POLR3H: variants seen among roughly 807,000 people sequenced by gnomAD.
The protein encoded by POLR3H is RNA polymerase III subunit H, also known as DNA-directed RNA polymerase III subunit RPC8.
Under a neutral mutation model 25.5 loss-of-function variants are expected in POLR3H, and 17 were observed. The ratio of observed to expected loss-of-function variants is 0.67; its 90% CI spans 0.46 to 1.00. The LOEUF (loss-of-function observed/expected upper bound fraction) is 1.00, where lower values mean the gene tolerates loss of function less well. POLR3H is among the 50% of genes least tolerant of loss of function. The pLI is 0.00. For missense variants in POLR3H, 274 were observed against 265.0 expected (o/e 1.03, Z -0.24); for synonymous variants, 129 against 103.0 (o/e 1.25, Z -1.53).
In POLR3H at chr22:41,528,252, G is replaced by A. The variant is rs2066645437; in HGVS notation, c.*1031C>T. On this transcript the variant is annotated 3_prime_UTR_variant, in exon 6 of 6. Coordinates refer to ENST00000355209, the MANE Select transcript of POLR3H (RefSeq NM_001018050.4). The stretch of plus-strand genomic sequence containing the variant: ...AACCTCCCTTTACTCACCAGGACCT[G>A]GCACTCAGGGGACAGCCCACCCACT... The A allele has an allele frequency of 6.0e-6, 5 of 828,492 alleles. No homozygotes were observed. The highest frequency in any genetic ancestry group is 3.6e-4 in the Middle Eastern group (1 of 2,762). 51.3% of individuals were successfully genotyped at this position (828,492 alleles called of 1,614,324 possible).
intron 2 of POLR3H, chr22:41,540,313 A>G: frequency 2.8e-6 from 1 of 354,822 alleles, no homozygotes; most frequent in Non-Finnish European, 5.5e-6. Context: ...TCAGAGCTGA[A>G]GAGGCCTTGA....
intron 2 of POLR3H, chr22:41,540,459 C>A: frequency 1.9e-6 from 1 of 526,020 alleles, no homozygotes; most frequent in Non-Finnish European, 3.5e-6. Context: ...CCAGGACTCC[C>A]ACCACCCTCT....
Position 41,530,893 on chromosome 22 carries a change from G to A in POLR3H, c.360-5C>T, listed in dbSNP as rs776364143. On this transcript the variant is annotated splice_region_variant and splice_polypyrimidine_tract_variant and intron_variant, in intron 4 of 5. Transcript: ENST00000355209. ...CACACCTGCTCCGCTTCGTCGCTGAGGGGGTCCAGGGTCAAGGCAGCAACC... is the reference window on the plus strand; with the variant it reads ...CACACCTGCTCCGCTTCGTCGCTGAAGGGGTCCAGGGTCAAGGCAGCAACC... 1.9e-6 allele frequency: 3 copies of A among 1,613,402 alleles called. No homozygotes were observed. Among genetic ancestry groups the A allele is most frequent in the African/African-American group, 2.7e-5 (2 of 74,928 alleles).
rs750246651 is a variant in POLR3H, at chr22:41,528,453, C to G, written c.*830G>C. 9.9e-6 allele frequency: 16 copies of G among 1,609,922 alleles called. No homozygotes were observed. The highest frequency in any genetic ancestry group is 1.2e-5 in the Non-Finnish European group (14 of 1,179,074). On this transcript the variant is annotated 3_prime_UTR_variant, in exon 6 of 6. Coordinates refer to ENST00000355209, the MANE Select transcript of POLR3H (RefSeq NM_001018050.4). ...AAGGGCACACAGTACCCACCACTTCCACCCACACCCACCTTCTCCTTGCAG... is the reference window on the plus strand; with the variant it reads ...AAGGGCACACAGTACCCACCACTTCGACCCACACCCACCTTCTCCTTGCAG...
In POLR3H at chr22:41,526,713, A is replaced by C; in HGVS notation, c.*2570T>G. The C allele has an allele frequency of 2.3e-6, 1 of 434,784 alleles. No individual in the cohort carries two copies. The highest frequency in any genetic ancestry group is 3.8e-5 in the Admixed American group (1 of 26,164). 26.9% of individuals were successfully genotyped at this position (434,784 alleles called of 1,614,324 possible). On this transcript the variant is annotated 3_prime_UTR_variant, in exon 6 of 6. Coordinates refer to ENST00000355209, the MANE Select transcript of POLR3H (RefSeq NM_001018050.4). ...TCTTAGGATATCTGGCCCTAGACAAAGACAAGGAAGGGGGCCGACTCAGGA... is the reference window on the plus strand; with the variant it reads ...TCTTAGGATATCTGGCCCTAGACAACGACAAGGAAGGGGGCCGACTCAGGA...
intron 3 of POLR3H, 47 bp from the exon 4 acceptor site, chr22:41,532,204 G>A (rs1400814231): frequency 4.5e-6 from 7 of 1,570,108 alleles, no homozygotes; most frequent in African/African-American, 2.7e-5. Flanking sequence ...GGTCCCAGTG[G>A]ACGCCAAACA....
intron 2 of POLR3H, among the ~76,000 whole-genome samples, chr22:41,537,034 A>G (rs1193709258): frequency 6.6e-6 from 1 of 152,150 alleles, no homozygotes; most frequent in Non-Finnish European, 1.5e-5. Flanking sequence ...GACTGAGAGC[A>G]GGGCCCCCGA....
rs138837278 is a variant in POLR3H, at chr22:41,526,393, C to G, written c.*2890G>C. ...ACATTGAAAACGGCAAGGCCAACTCCGTGCGCAATGCCGTCACTCAGGAGT... is the reference window on the plus strand; with the variant it reads ...ACATTGAAAACGGCAAGGCCAACTCGGTGCGCAATGCCGTCACTCAGGAGT... On this transcript the variant is annotated 3_prime_UTR_variant, in exon 6 of 6. Transcript: ENST00000355209. The G allele has an allele frequency of 1.9e-6, 3 of 1,613,868 alleles. No individual in the cohort carries two copies. The highest frequency in any genetic ancestry group is 2.5e-6 in the Non-Finnish European group (3 of 1,180,014).
At chr22:41,531,973 G>T in intron 4 of POLR3H, 121 bp downstream of exon 4, 1 of 821,746 alleles carries the variant, frequency 1.2e-6, no homozygotes, top group Non-Finnish European at 2.0e-6. Context: ...CAGGCGAGGG[G>T]CAGGCACAGA....
At chr22:41,541,640 A>G (rs1049548205) in intron 1 of POLR3H, among the ~76,000 whole-genome samples, 2 of 152,180 alleles carry the variant, frequency 1.3e-5, no homozygotes, top group African/African-American at 4.8e-5. Context: ...CCCCCTCTCA[A>G]ACGATTCATC....
rs2066602342 is a variant in POLR3H, at chr22:41,526,602, A to G, written c.*2681T>C. ...GCTGTGGAAGGGAGGAGAGGCCTGC[A>G]GCCCCTCCCTGTGGCTGAGAAGGCA... On this transcript the variant is annotated 3_prime_UTR_variant, in exon 6 of 6. Coordinates refer to ENST00000355209, the MANE Select transcript of POLR3H (RefSeq NM_001018050.4). 2.4e-6 allele frequency: 2 copies of G among 823,224 alleles called. No homozygotes were observed. The highest frequency in any genetic ancestry group is 1.8e-6 in the Non-Finnish European group (1 of 557,068). The allele number at this position is 823,224 out of a possible 1,614,324, so 51.0% of individuals were successfully genotyped here. A position where few individuals can be genotyped will look rare whatever the true frequency, so the allele number is the denominator to read the frequency against.
intron 4 of POLR3H, 25 bp from the exon 5 acceptor site, chr22:41,530,913 G>T: frequency 6.2e-7 from 1 of 1,611,450 alleles, no homozygotes; most frequent in African/African-American, 1.3e-5. Context: ...GGTCAAGGCA[G>T]CAACCAGATA....
intron 1 of POLR3H, among the ~76,000 whole-genome samples, chr22:41,543,222 C>T (rs1283358522): frequency 6.6e-6 from 1 of 152,144 alleles, no homozygotes; most frequent in Non-Finnish European, 1.5e-5. Context: ...TCAGCTGGTA[C>T]TAAGGCACAC....
intron 2 of POLR3H, chr22:41,540,331 C>T (rs932142886): frequency 2.8e-6 from 1 of 361,614 alleles, no homozygotes; most frequent in Non-Finnish European, 5.4e-6. Context: ...TGAAAACCAA[C>T]TAGTCCACAT....
intron 1 of POLR3H, among the ~76,000 whole-genome samples, chr22:41,541,443 T>C (rs1298594431): frequency 6.6e-6 from 1 of 152,226 alleles, no homozygotes; most frequent in Non-Finnish European, 1.5e-5. Context: ...CACACCACTG[T>C]GGTTCAAACG....
chr22:41,543,124 G>A (rs1214424199), intron 1 of POLR3H, among the ~76,000 whole-genome samples: 2 of 152,114 alleles, frequency 1.3e-5, no homozygotes, highest in East Asian at 1.9e-4. Context: ...GAGAGGGAAA[G>A]GAAAAAGTCT....
Position 41,526,505 on chromosome 22 carries a change from G to A in POLR3H, c.*2778C>T, listed in dbSNP as rs748125758. On this transcript the variant is annotated 3_prime_UTR_variant, in exon 6 of 6. Transcript: ENST00000355209. ...CCAGTGGTCACTCCTGAAGGGGCCT[G>A]CAAGGCAGGTGCAGGGAGGACATTA... The A allele has an allele frequency of 2.6e-6, 4 of 1,564,474 alleles. No individual in the cohort carries two copies. Among genetic ancestry groups the A allele is most frequent in the Non-Finnish European group, 3.5e-6 (4 of 1,149,722 alleles).
chr22:41,529,763 G>GTTT (rs371328828), intron 5 of POLR3H: 49 of 401,020 alleles, frequency 1.2e-4, no homozygotes, highest in African/African-American at 2.4e-4. Context: ...TTTTTTTGTT[G>GTTT]TTTTTTTTTT....
chr22:41,526,386 C>G lies in POLR3H; in HGVS notation c.*2897G>C. ...GCCATCAACATTGAAAACGGCAAGG[C>G]CAACTCCGTGCGCAATGCCGTCACT... is the stretch of plus-strand genomic sequence containing the variant. On this transcript the variant is annotated 3_prime_UTR_variant, in exon 6 of 6. Coordinates refer to ENST00000355209, the MANE Select transcript of POLR3H (RefSeq NM_001018050.4). 1 of 1,613,892 alleles carries G rather than the reference C, an allele frequency of 6.2e-7. No homozygotes were observed. The highest frequency in any genetic ancestry group is 1.1e-5 in the South Asian group (1 of 91,064).
Sources: allele counts gnomAD v4.1 joint callset (sites outside exome capture counted in the v4.1 genomes callset), GRCh38; gene constraint gnomAD v4.1.1; transcripts MANE v1.5; gene names NCBI Gene and HGNC (gene_info 2026-07-23, HGNC 2026-07-21).